Variants in STARD9 observed in about 807,000 individuals in gnomAD.
The protein encoded by STARD9 is stAR-related lipid transfer protein 9.
STARD9 carries 346 observed loss-of-function variants against 399.8 expected under a neutral mutation model. The ratio of observed to expected loss-of-function variants is 0.87; its 90% CI spans 0.79 to 0.95. The LOEUF (loss-of-function observed/expected upper bound fraction) is 0.95. STARD9 is among the 40% of genes least tolerant of loss of function. The pLI is 0.00. For synonymous variants in STARD9, 2,203 were observed against 2,143.5 expected (o/e 1.03, Z -0.77); for missense variants, 5,832 against 5,667.5 (o/e 1.03, Z -0.93).
chr15:42,581,436 G>T, intron 1 of STARD9: 1 of 1,527,622 alleles, frequency 6.5e-7, no homozygotes, highest in Non-Finnish European at 9.0e-7. Flanking sequence ...GGTGTGGGTG[G>T]GGAAGGCGCG....
chr15:42,682,423 C>T lies in STARD9; in HGVS notation c.2385C>T (p.Cys795=), dbSNP rs1156458199. 1 of 1,537,124 alleles carries T rather than the reference C, an allele frequency of 6.5e-7. No homozygotes were observed. Among genetic ancestry groups the T allele is most frequent in the Non-Finnish European group, 8.7e-7 (1 of 1,146,912 alleles). ...GACTGGAGAAGCTCACGACATTGTG[C>T]TGGCTCCAGGATGACAGCACCCAGG... The part of the protein sequence containing the change: ...QKRLEKLTTL[C]WLQDDSTQEP... The change falls in exon 22 of 33, where the codon TGC becomes TGT. Residue 795 remains cysteine (C), a synonymous_variant. Coordinates refer to ENST00000290607, the MANE Select transcript of STARD9 (RefSeq NM_020759.3).
At position 42,690,862 on chromosome 15, in the gene STARD9, G is replaced by C; in HGVS notation, c.9284G>C (p.Ser3095Thr). The change falls in exon 23 of 33, where the codon AGC (serine) becomes ACC (threonine). Residue 3095 changes from serine (S) to threonine (T), a missense_variant. Physicochemically the swap from Ser to Thr is moderately conservative, Grantham distance 58. Transcript: ENST00000290607. ...AAAAAGGTTGCTGAGAAGCAAGCAA[G>C]CACAGAACTTGAGGCTGCCTCTTTC... is the stretch of plus-strand genomic sequence containing the variant. ...PEKKVAEKQASTELEAASFPA... is the reference protein window; with the variant it reads ...PEKKVAEKQATTELEAASFPA... The C allele has an allele frequency of 1.3e-6, 2 of 1,537,170 alleles. No individual in the cohort carries two copies. Among genetic ancestry groups the C allele is most frequent in the Non-Finnish European group, 1.7e-6 (2 of 1,146,904 alleles).
intron 8 of STARD9, among the ~76,000 whole-genome samples, chr15:42,651,458 A>T (rs2059761028): frequency 6.6e-6 from 1 of 152,082 alleles, no homozygotes; most frequent in African/African-American, 2.4e-5. Flanking sequence ...TCATAAAAAC[A>T]TTTTTTTCTA....
chr15:42,601,844 T>G (rs1566865606), intron 3 of STARD9, among the ~76,000 whole-genome samples: 2 of 152,166 alleles, frequency 1.3e-5, no homozygotes, highest in South Asian at 4.1e-4. Context: ...CTATTTTACT[T>G]TATTTTATTT....
intron 9 of STARD9, among the ~76,000 whole-genome samples, chr15:42,659,886 C>A (rs1255888440): frequency 1.3e-5 from 2 of 152,102 alleles, no homozygotes; most frequent in Non-Finnish European, 2.9e-5. Context: ...AGGTGTTTAT[C>A]CAAGAGCAAT....
At chr15:42,582,899 C>T (rs1309300070) in intron 1 of STARD9, among the ~76,000 whole-genome samples, 1 of 152,210 alleles carries the variant, frequency 6.6e-6, no homozygotes, top group African/African-American at 2.4e-5. Context: ...AGGTATAATT[C>T]AGAGCCTAGG....
intron 3 of STARD9, among the ~76,000 whole-genome samples, chr15:42,622,120 A>G (rs1389637581): frequency 1.3e-5 from 2 of 151,964 alleles, no homozygotes; most frequent in African/African-American, 4.8e-5. Context: ...TAACTCCTTT[A>G]TCTGATGATG....
At chr15:42,654,847 T>G (rs1026798563) in intron 9 of STARD9, among the ~76,000 whole-genome samples, 1 of 152,150 alleles carries the variant, frequency 6.6e-6, no homozygotes, top group African/African-American at 2.4e-5. Flanking sequence ...AAAATGGCCA[T>G]ACTGCCTAAA....
chr15:42,667,039 T>G (rs962116680), intron 15 of STARD9, among the ~76,000 whole-genome samples: 3 of 152,180 alleles, frequency 2.0e-5, no homozygotes, highest in Non-Finnish European at 4.4e-5. Context: ...GGTGTCAAAC[T>G]CCTGGCCTCA....
At position 42,688,226 on chromosome 15, in the gene STARD9, A is replaced by T. The variant is rs186711423; in HGVS notation, c.6648A>T (p.Leu2216=). 6.5e-7 allele frequency: 1 copy of T among 1,537,540 alleles called. No homozygotes were observed. The highest frequency in any genetic ancestry group is 1.2e-5 in the South Asian group (1 of 84,058). Residue 2216 remains leucine, a synonymous_variant, in exon 23 of 33, where the codon CTA becomes CTT. Transcript: ENST00000290607. ...GAGCTCTGCCATTGCAACCCAGGCT[A>T]GAGAGGTCTTCTAAGAATAATGGCC... ...LARALPLQPR[L]ERSSKNNGQF...
At chr15:42,717,885 T>C in intron 29 of STARD9, 90 bp downstream of exon 29, 2 of 1,498,856 alleles carry the variant, frequency 1.3e-6, no homozygotes, top group Non-Finnish European at 9.0e-7. Flanking sequence ...TTACCTGGAT[T>C]CCTCAAGTCT....
At chr15:42,702,766 T>C (rs1310922651) in intron 26 of STARD9, among the ~76,000 whole-genome samples, 3 of 152,234 alleles carry the variant, frequency 2.0e-5, no homozygotes, top group Non-Finnish European at 4.4e-5. Flanking sequence ...GGAAAGTCTT[T>C]CCTCTCTTCT....
chr15:42,630,729 T>C (rs2059316748), intron 3 of STARD9, among the ~76,000 whole-genome samples: 1 of 152,146 alleles, frequency 6.6e-6, no homozygotes, highest in Admixed American at 6.6e-5. Context: ...GTCATAGTAG[T>C]CTCTAATGGG....
chr15:42,718,994 A>G, intron 32 of STARD9, 84 bp downstream of exon 32: 2 of 1,328,098 alleles, frequency 1.5e-6, no homozygotes, highest in Non-Finnish European at 1.0e-6. Context: ...TCGCTTTTGA[A>G]CACCCTCCAG....
intron 20 of STARD9, among the ~76,000 whole-genome samples, chr15:42,676,710 C>A (rs887266031): frequency 6.6e-6 from 1 of 152,108 alleles, no homozygotes; most frequent in African/African-American, 2.4e-5. Context: ...TATTCCTGTA[C>A]GTCAAAGTGA....
Position 42,689,177 on chromosome 15 carries a change from T to C in STARD9, c.7599T>C (p.Ser2533=). ...LAPVSLPRVP[S]PEPRLLEPSD... ...CTGTTTCCCTGCCGAGGGTGCCCAG[T>C]CCAGAGCCTAGGCTGTTGGAGCCCT... The change falls in exon 23 of 33, where the codon AGT becomes AGC. Residue 2533 remains serine, a synonymous_variant. Transcript: ENST00000290607. 6.5e-7 allele frequency: 1 copy of C among 1,537,188 alleles called. No individual in the cohort carries two copies. The highest frequency in any genetic ancestry group is 8.7e-7 in the Non-Finnish European group (1 of 1,146,902).
In STARD9 at chr15:42,690,592, A is replaced by T. The variant is rs772559136; in HGVS notation, c.9014A>T (p.Tyr3005Phe). 1 of 1,537,242 alleles carries T rather than the reference A, an allele frequency of 6.5e-7. No homozygotes were observed. Among genetic ancestry groups the T allele is most frequent in the South Asian group, 1.2e-5 (1 of 84,056 alleles). ...CCCTGTGTAGTACCTTCCAGGGCCT[A>T]TGAAATGGATGAGACAGGAGAGATC... is the stretch of plus-strand genomic sequence containing the variant. ...HPPCVVPSRA[Y>F]EMDETGEISR... The change falls in exon 23 of 33, where the codon TAT becomes TTT. Residue 3005 changes from tyrosine to phenylalanine, a missense_variant. Tyr to Phe is a conservative substitution (Grantham distance 22). Coordinates refer to ENST00000290607, the MANE Select transcript of STARD9 (RefSeq NM_020759.3).
At chr15:42,718,985 C>G (rs1321717768) in intron 32 of STARD9, 75 bp downstream of exon 32, 2 of 1,364,074 alleles carry the variant, frequency 1.5e-6, no homozygotes, top group Admixed American at 4.0e-5. Flanking sequence ...TTTTCTGTCT[C>G]GCTTTTGAAC....
chr15:42,657,823 A>G (rs2059905937), intron 9 of STARD9, among the ~76,000 whole-genome samples: 1 of 152,254 alleles, frequency 6.6e-6, no homozygotes, highest in African/African-American at 2.4e-5. Context: ...AGACTCACAC[A>G]TATATAGGCA....
Sources: gnomAD v4.1 joint callset for allele counts (sites outside exome capture counted in the v4.1 genomes callset) on GRCh38, gnomAD v4.1.1 for gene constraint, MANE v1.5 for transcripts, NCBI Gene and HGNC (gene_info 2026-07-23, HGNC 2026-07-21) for gene names.